Variants in ZFHX3 observed in about 807,000 individuals in gnomAD.
ZFHX3 encodes the protein zinc finger homeobox protein 3.
In ZFHX3, 42 loss-of-function variants were observed where a neutral mutation model predicts 279.1. The observed-to-expected ratio is 0.15, with a 90% CI of 0.12 to 0.19. The LOEUF (loss-of-function observed/expected upper bound fraction) is 0.19. Among genes scored for constraint, ZFHX3 ranks in the 10% least tolerant of loss-of-function variants. ZFHX3 has a pLI of 1.00. For synonymous variants in ZFHX3, 2,293 were observed against 1,957.8 expected, an observed-to-expected ratio of 1.17 and a Z score of -4.52; for missense variants, 4,981 against 4,754.0, an observed-to-expected ratio of 1.05 and a Z score of -1.40.
chr16:73,777,418 A>G (rs571594036), intron 1 of ZFHX3, among the ~76,000 whole-genome samples: 3 of 141,210 alleles, frequency 2.1e-5, no homozygotes, highest in African/African-American at 5.2e-5. Flanking sequence ...CAGGAGAAGC[A>G]CTTGAACTTG....
chr16:72,949,233 G>A (rs190585014), intron 3 of ZFHX3, among the ~76,000 whole-genome samples: 20 of 152,224 alleles, frequency 1.3e-4, no homozygotes, highest in Admixed American at 7.2e-4. Context: ...ATCATTCTGA[G>A]TAGAGTAGGG....
chr16:72,883,623 T>A (rs551945801), intron 4 of ZFHX3, among the ~76,000 whole-genome samples: 1 of 152,260 alleles, frequency 6.6e-6, no homozygotes, highest in Admixed American at 6.5e-5. Flanking sequence ...TCTCTTTTCA[T>A]GTTCATACAT....
intron 3 of ZFHX3, among the ~76,000 whole-genome samples, chr16:73,416,826 A>G (rs2017596269): frequency 6.6e-6 from 1 of 150,822 alleles, no homozygotes; most frequent in South Asian, 2.1e-4. Context: ...GTGAGCCGAG[A>G]TCGCGCCACT....
chr16:73,736,837 G>T (rs1462058023), intron 1 of ZFHX3, among the ~76,000 whole-genome samples: 1 of 152,334 alleles, frequency 6.6e-6, no homozygotes, highest in South Asian at 2.1e-4. Context: ...CAGGGGTATT[G>T]TTAGAGGTCT....
chr16:73,399,247 T>C (rs994999668), intron 3 of ZFHX3, among the ~76,000 whole-genome samples: 3 of 152,132 alleles, frequency 2.0e-5, no homozygotes, highest in Non-Finnish European at 4.4e-5. Context: ...ATCTGGATTT[T>C]TGTGGAATTA....
intron 1 of ZFHX3, among the ~76,000 whole-genome samples, chr16:72,969,533 GC>G (rs1445961451): frequency 6.6e-6 from 1 of 151,782 alleles, no homozygotes; most frequent in African/African-American, 2.4e-5. Context: ...AACTCCAGCA[GC>G]CCCCAGAGTG....
intron 1 of ZFHX3, among the ~76,000 whole-genome samples, chr16:73,804,919 G>T (rs950495195): frequency 1.1e-4 from 15 of 131,636 alleles, no homozygotes; most frequent in Admixed American, 9.9e-4. Context: ...GGGAGGGGAG[G>T]GAGAGGGAGG....
intron 7 of ZFHX3, among the ~76,000 whole-genome samples, chr16:73,115,947 C>T (rs1434254712): frequency 1.3e-5 from 2 of 151,990 alleles, no homozygotes; most frequent in Non-Finnish European, 2.9e-5. Context: ...CATGGAGAAA[C>T]CCCGTCTCTG....
intron 1 of ZFHX3, among the ~76,000 whole-genome samples, chr16:73,814,571 T>C (rs889569303): frequency 6.6e-6 from 1 of 151,048 alleles, no homozygotes; most frequent in Non-Finnish European, 1.5e-5. Context: ...TTCACAACTT[T>C]TTTTTTTTTT....
At chr16:73,117,735 G>A (rs1966448994) in intron 7 of ZFHX3, among the ~76,000 whole-genome samples, 1 of 152,168 alleles carries the variant, frequency 6.6e-6, no homozygotes, top group African/African-American at 2.4e-5. Context: ...GGTATTTGAA[G>A]GTGAGGCCTT....
intron 4 of ZFHX3, among the ~76,000 whole-genome samples, chr16:72,872,320 A>C (rs2038182708): frequency 6.6e-6 from 1 of 152,188 alleles, no homozygotes; most frequent in African/African-American, 2.4e-5. Context: ...GTTCCCCTCC[A>C]ATACAAATAG....
chr16:72,839,868 A>T (rs2037301665), intron 4 of ZFHX3, among the ~76,000 whole-genome samples: 1 of 152,124 alleles, frequency 6.6e-6, no homozygotes, highest in South Asian at 2.1e-4. Context: ...AACAGAGCAG[A>T]CCTGCCTGAA....
intron 4 of ZFHX3, among the ~76,000 whole-genome samples, chr16:72,880,448 A>G (rs2038432933): frequency 6.6e-6 from 1 of 152,108 alleles, no homozygotes; most frequent in African/African-American, 2.4e-5. Context: ...ACAGAGACAC[A>G]CCAGGGGGAC....
intron 2 of ZFHX3, among the ~76,000 whole-genome samples, chr16:73,512,554 G>C (rs942350946): frequency 6.6e-6 from 1 of 151,880 alleles, no homozygotes; most frequent in African/African-American, 2.4e-5. Flanking sequence ...GGATCTAAAG[G>C]GTATTGGAAC....
intron 1 of ZFHX3, among the ~76,000 whole-genome samples, chr16:73,781,758 G>T (rs202239743): frequency 6.6e-6 from 1 of 152,186 alleles, no homozygotes; most frequent in African/African-American, 2.4e-5. Context: ...GGAGGCCAAG[G>T]TGGGCGAATC....
chr16:73,296,877 A>ATTTTTTTTTT (rs201366558), intron 4 of ZFHX3, among the ~76,000 whole-genome samples: 2,118 of 115,744 alleles, frequency 0.018, 193 homozygotes, highest in African/African-American at 0.063. Flanking sequence ...TGAAGCAGGA[A>ATTTTTTTTTT]TTTTTTTTTT....
chr16:73,248,177 T>C (rs1317054492), intron 5 of ZFHX3, among the ~76,000 whole-genome samples: 1 of 151,878 alleles, frequency 6.6e-6, no homozygotes, highest in African/African-American at 2.4e-5. Flanking sequence ...GGAGTGTGTG[T>C]GCGTACTGTG....
chr16:72,792,519 C>A (rs933645025), intron 9 of ZFHX3, among the ~76,000 whole-genome samples: 3 of 152,018 alleles, frequency 2.0e-5, no homozygotes, highest in African/African-American at 7.3e-5. Context: ...TGCAGTGGCA[C>A]AATCTCAAAC....
chr16:73,335,829 C>T (rs11859513), intron 3 of ZFHX3, among the ~76,000 whole-genome samples: 20,285 of 152,132 alleles, frequency 0.13, 2,930 homozygotes, highest in East Asian at 0.35. Context: ...GCATTTCATT[C>T]TTGCCTAGAA....
Sources: allele counts gnomAD v4.1 joint callset (sites outside exome capture counted in the v4.1 genomes callset), GRCh38; gene constraint gnomAD v4.1.1; transcripts MANE v1.5; gene names NCBI Gene and HGNC (gene_info 2026-07-23, HGNC 2026-07-21).